The following SLC6A14 variants were observed in gnomAD, a reference collection of about 807,000 sequenced individuals.
SLC6A14 encodes solute carrier family 6 member 14, also known as sodium- and chloride-dependent neutral and basic amino acid transporter B(0+).
A neutral mutation model predicts 51.4 loss-of-function variants in SLC6A14; 21 were observed. The ratio of observed to expected loss-of-function variants is 0.41; its 90% CI spans 0.29 to 0.59. SLC6A14 has a LOEUF of 0.59. Ranked by LOEUF, SLC6A14 falls within the 20% of genes least tolerant of loss-of-function variation. SLC6A14 has a pLI of 0.31. For missense variants in SLC6A14, 371 were observed against 472.8 expected (o/e 0.78, Z 2.00); for synonymous variants, 177 against 160.7 (o/e 1.10, Z -0.77).
chrX:116,455,950 T>G (rs1231992196), intron 12 of SLC6A14, among the ~76,000 whole-genome samples: 1 of 111,261 alleles, frequency 9.0e-6, no homozygotes, highest in South Asian at 3.7e-4. Context: ...AGGGAGGTAT[T>G]TGGCAGATGA....
At chrX:116,451,698 T>A in intron 8 of SLC6A14, 28 bp downstream of exon 8, 1 of 887,766 alleles carries the variant, frequency 1.1e-6, no homozygotes, top group African/African-American at 2.0e-5. Context: ...TTATCAACTT[T>A]GATTAATTCA....
rs56035048 is a variant in SLC6A14 at position 116,459,280 on chromosome X, G to C, written c.*325G>C. 0.049 allele frequency: 6,813 copies of C among 139,353 alleles called. 172 individuals are homozygous for C. The highest frequency in any genetic ancestry group is 0.086 in the South Asian group (248 of 2,879). The allele number at this position is 139,353 out of a possible 1,213,427, so 11.5% of individuals were successfully genotyped here. On this transcript the variant is annotated 3_prime_UTR_variant, in exon 14 of 14. Transcript: ENST00000598581. Reference sequence around the variant, plus strand: ...GGCTTTATTTTGAACTAATTTCTTAGAGAATAGTTATATTTTCTATTACAC... The same window carrying C: ...GGCTTTATTTTGAACTAATTTCTTACAGAATAGTTATATTTTCTATTACAC...
intron 4 of SLC6A14, 51 bp from the exon 5 acceptor site, chrX:116,443,592 A>G: frequency 4.6e-6 from 4 of 862,373 alleles, no homozygotes; most frequent in Non-Finnish European, 6.2e-6. Context: ...TAGGAAAGTA[A>G]TCTTCTAAAA....
At position 116,436,650 on chromosome X, in the gene SLC6A14, C is replaced by T. The variant is rs1556693294; in HGVS notation, c.-60C>T. 3 of 1,112,488 alleles carry T rather than the reference C, an allele frequency of 2.7e-6. No homozygotes were observed. Among genetic ancestry groups the T allele is most frequent in the African/African-American group, 1.8e-5 (1 of 54,589 alleles). The allele number at this position is 1,112,488 out of a possible 1,213,427, so 91.7% of individuals were successfully genotyped here. On this transcript the variant is annotated 5_prime_UTR_variant, in exon 1 of 14. Transcript: ENST00000598581. ...GAACAGGGGAGAGTGCACCTGCTAC[C>T]AGTCAAGCTCAGCCAGACTGCAAGA...
Position 116,451,472 on chromosome X carries a change from T to C in SLC6A14, c.961T>C (p.Tyr321His). Reference protein sequence around the residue: ...VWKDAATQIFYSLSVAWGGLV... With the variant: ...VWKDAATQIFHSLSVAWGGLV... ...GAAAGATGCTGCCACTCAGATATTT[T>C]ACTCCCTTTCAGTGGCTTGGGGTGG... Residue 321 changes from tyrosine (Y) to histidine (H), a missense_variant, in exon 8 of 14, where the codon TAC (tyrosine) becomes CAC (histidine). Tyr to His is a moderately conservative substitution (Grantham distance 83). Around this residue, in one of 2 missense-constraint regions of SLC6A14, gnomAD observed 277 missense variants for 391.8 expected, o/e 0.71. Coordinates refer to ENST00000598581, the MANE Select transcript of SLC6A14 (RefSeq NM_007231.5). 1 of 1,209,364 alleles carries C rather than the reference T, an allele frequency of 8.3e-7. No individual in the cohort carries two copies. Among genetic ancestry groups the C allele is most frequent in the Non-Finnish European group, 1.1e-6 (1 of 893,669 alleles).
Position 116,436,672 on chromosome X carries a change from A to T in SLC6A14, c.-38A>T, listed in dbSNP as rs782152407. 2.6e-6 allele frequency: 3 copies of T among 1,155,312 alleles called. No individual in the cohort carries two copies. The South Asian group carries it at 5.9e-5, about 23-fold the overall frequency. On this transcript the variant is annotated 5_prime_UTR_variant, in exon 1 of 14. Transcript: ENST00000598581. ...TACCAGTCAAGCTCAGCCAGACTGCAAGAGGAGGCGAGGCGGAGCCAGCCG... is the reference window on the plus strand; with the variant it reads ...TACCAGTCAAGCTCAGCCAGACTGCTAGAGGAGGCGAGGCGGAGCCAGCCG...
At position 116,442,671 on chromosome X, in the gene SLC6A14, G is replaced by A. The variant is rs377535410; in HGVS notation, c.347-16G>A. On this transcript the variant is annotated splice_polypyrimidine_tract_variant and intron_variant, in intron 3 of 13. Transcript: ENST00000598581. ...CTTGAGTTTGGTTTTTATTTTAATT[G>A]TTCTTTTTTTTCCAGGTGTGGGAAT... 2.5e-5 allele frequency: 27 copies of A among 1,086,591 alleles called. No homozygotes were observed. Among genetic ancestry groups the A allele is most frequent in the Non-Finnish European group, 3.1e-5 (26 of 833,159 alleles). 89.5% of individuals were successfully genotyped at this position (1,086,591 alleles called of 1,213,427 possible). A position where few individuals can be genotyped will look rare whatever the true frequency, so the allele number is the denominator to read the frequency against.
At position 116,457,669 on chromosome X, in the gene SLC6A14, C is replaced by G. The variant is rs782032055; in HGVS notation, c.1675C>G (p.Pro559Ala). 8.3e-7 allele frequency: 1 copy of G among 1,205,042 alleles called. No individual in the cohort carries two copies. Among genetic ancestry groups the G allele is most frequent in the Admixed American group, 2.2e-5 (1 of 45,877 alleles). ...ACCTAATTATGGCGCAATTCCATACCCTGACTGGGGAGTTGCTTTAGGCTG... is the reference window on the plus strand; with the variant it reads ...ACCTAATTATGGCGCAATTCCATACGCTGACTGGGGAGTTGCTTTAGGCTG... ...HRPNYGAIPY[P>A]DWGVALGWCM... Residue 559 changes from proline to alanine, a missense_variant, in exon 13 of 14, where the codon CCT becomes GCT. Pro to Ala is a conservative substitution (Grantham distance 27). This residue lies in a region of SLC6A14 where 94 missense variants were observed against 81.0 expected (regional missense o/e 1.16). Coordinates refer to ENST00000598581, the MANE Select transcript of SLC6A14 (RefSeq NM_007231.5).
At chrX:116,446,612 C>A (rs1927718911) in intron 6 of SLC6A14, 129 bp from the exon 7 acceptor site, 2 of 471,108 alleles carry the variant, frequency 4.2e-6, no homozygotes, top group Admixed American at 6.9e-5. Context: ...TTTGGTATAT[C>A]ATCAGACCCT....
chrX:116,452,957 A>G, intron 8 of SLC6A14, 60 bp from the exon 9 acceptor site: 8 of 926,361 alleles, frequency 8.6e-6, no homozygotes, highest in Non-Finnish European at 1.2e-5. Flanking sequence ...TTATGTTTTA[A>G]ATGTTTAAAT....
chrX:116,443,208 A>G (rs1166731935), intron 4 of SLC6A14, among the ~76,000 whole-genome samples: 1 of 111,501 alleles, frequency 9.0e-6, no homozygotes, highest in East Asian at 2.8e-4. Context: ...ATAACGTACC[A>G]TCCATGTCAT....
At chrX:116,454,543 C>T in intron 10 of SLC6A14, 101 bp downstream of exon 10, 1 of 504,816 alleles carries the variant, frequency 2.0e-6, no homozygotes, top group Non-Finnish European at 3.3e-6. Context: ...AGTGACAAGT[C>T]CAGGTCTGAC....
intron 11 of SLC6A14, 106 bp downstream of exon 11, chrX:116,455,182 A>G (rs1157340658): frequency 4.9e-6 from 3 of 612,470 alleles, no homozygotes; most frequent in Non-Finnish European, 7.7e-6. Flanking sequence ...ATACTATTAT[A>G]ATAGCAAAGT....
At chrX:116,445,457 GGAGAGAGAGAGAGAGAGAGAGA>G (rs4068397) in intron 6 of SLC6A14, among the ~76,000 whole-genome samples, 2 of 67,027 alleles carry the variant, frequency 3.0e-5, no homozygotes, top group African/African-American at 6.5e-5. Flanking sequence ...TCCCCTAGTC[GGAGAGAGAGAGAGAGAGAGAGA>G]GAGAGAGAGA....
At chrX:116,452,889 G>A in intron 8 of SLC6A14, 128 bp from the exon 9 acceptor site, 1 of 484,439 alleles carries the variant, frequency 2.1e-6, no homozygotes, top group Non-Finnish European at 3.1e-6. Flanking sequence ...GAAATAGTTG[G>A]TAAAAAAATT....
chrX:116,458,870 G>A lies in SLC6A14; in HGVS notation c.1844G>A (p.Gly615Glu). The change falls in exon 14 of 14, where the codon GGG (glycine) becomes GAG (glutamate). Residue 615 changes from glycine to glutamate, a missense_variant. Gly to Glu is a moderately conservative substitution (Grantham distance 98). Around this residue, in one of 2 missense-constraint regions of SLC6A14, gnomAD observed 94 missense variants for 81.0 expected, o/e 1.16. Transcript: ENST00000598581. The part of the protein sequence containing the change: ...NWGPYLEQHR[G>E]ERYKDMVDPK... Reference sequence around the variant, plus strand: ...GGTCCATACCTGGAACAACATCGTGGGGAAAGATATAAAGACATGGTAGAT... The same window carrying A: ...GGTCCATACCTGGAACAACATCGTGAGGAAAGATATAAAGACATGGTAGAT... 1 of 1,203,649 alleles carries A rather than the reference G, an allele frequency of 8.3e-7. No individual in the cohort carries two copies. The highest frequency in any genetic ancestry group is 1.1e-6 in the Non-Finnish European group (1 of 890,771).
intron 9 of SLC6A14, among the ~76,000 whole-genome samples, chrX:116,453,604 A>C (rs782576013): frequency 9.0e-6 from 1 of 111,605 alleles, no homozygotes; most frequent in South Asian, 3.7e-4. Flanking sequence ...CCATTGATAC[A>C]CAGGCATATA....
At chrX:116,437,199 G>A (rs898469292) in intron 1 of SLC6A14, among the ~76,000 whole-genome samples, 1 of 111,440 alleles carries the variant, frequency 9.0e-6, no homozygotes, top group African/African-American at 3.3e-5. Context: ...ATTATTCTAC[G>A]GCTTTTAGAA....
In SLC6A14 at chrX:116,443,692, C is replaced by A. The variant is rs1026033693; in HGVS notation, c.558C>A (p.Ile186=). The A allele has an allele frequency of 8.4e-6, 10 of 1,196,476 alleles. No individual in the cohort carries two copies. Among genetic ancestry groups the A allele is most frequent in the Non-Finnish European group, 1.1e-5 (10 of 884,747 alleles). ...STVNKGIQEI[I]QMNKSWVDIN... ...TGAATAAAGGAATACAAGAGATCAT[C>A]CAAATGAATAAAAGCTGGGTAGACA... The change falls in exon 5 of 14, where the codon ATC becomes ATA. Residue 186 remains isoleucine, a synonymous_variant. Transcript: ENST00000598581.
Sources: gnomAD v4.1 joint callset for allele counts (sites outside exome capture counted in the v4.1 genomes callset) on GRCh38, gnomAD v4.1.1 for gene constraint, gnomAD v4.1.1 regional missense constraint, MANE v1.5 for transcripts, NCBI Gene and HGNC (gene_info 2026-07-23, HGNC 2026-07-21) for gene names.